The following DNM3 variants were observed in gnomAD, a reference collection of about 807,000 sequenced individuals.
DNM3 encodes dynamin-3.
Under a neutral mutation model 101.6 loss-of-function variants are expected in DNM3, and 47 were observed. That is an observed-to-expected ratio of 0.46 (90% CI 0.37 to 0.59). DNM3 has a LOEUF of 0.59. Among genes scored for constraint, DNM3 ranks in the 20% least tolerant of loss-of-function variants. The pLI is 0.00. For missense variants in DNM3, 849 were observed against 1,085.7 expected, an observed-to-expected ratio of 0.78 and a Z score of 3.06; for synonymous variants, 385 against 387.9, an observed-to-expected ratio of 0.99 and a Z score of 0.09.
At chr1:171,965,973 T>TA (rs1475129407) in intron 2 of DNM3, among the ~76,000 whole-genome samples, 15 of 152,188 alleles carry the variant, frequency 9.9e-5, no homozygotes, top group Non-Finnish European at 1.5e-4. Context: ...TAACAAACGA[T>TA]ACTTCTGTCA....
intron 2 of DNM3, among the ~76,000 whole-genome samples, chr1:171,927,357 C>T (rs921607471): frequency 1.3e-5 from 2 of 151,874 alleles, no homozygotes; most frequent in African/African-American, 4.9e-5. Flanking sequence ...GTCCAGTAAG[C>T]CCAGTGCTCA....
chr1:171,854,435 C>T (rs981361642), intron 1 of DNM3, among the ~76,000 whole-genome samples: 6 of 152,222 alleles, frequency 3.9e-5, no homozygotes, highest in Admixed American at 2.0e-4. Context: ...GAAGTTTAGA[C>T]AGAATTTGGG....
intron 4 of DNM3, among the ~76,000 whole-genome samples, chr1:172,024,720 G>A (rs2048078401): frequency 6.6e-6 from 1 of 152,238 alleles, no homozygotes; most frequent in Non-Finnish European, 1.5e-5. Context: ...CCCTGCCCTA[G>A]CAAAGAGAAG....
chr1:172,270,296 G>T (rs2148745386), intron 15 of DNM3, among the ~76,000 whole-genome samples: 1 of 148,680 alleles, frequency 6.7e-6, no homozygotes, highest in Non-Finnish European at 1.5e-5. Context: ...AACAGCACTT[G>T]TAACTATAAT....
chr1:171,939,055 A>G (rs1319150411), intron 2 of DNM3, among the ~76,000 whole-genome samples: 2 of 151,482 alleles, frequency 1.3e-5, no homozygotes, highest in Non-Finnish European at 2.9e-5. Context: ...ACTTATTTTT[A>G]ACCCACTTTC....
intron 14 of DNM3, chr1:172,144,478 C>G: frequency 2.6e-6 from 1 of 384,962 alleles, no homozygotes; most frequent in Non-Finnish European, 5.4e-6. Flanking sequence ...AAAAAAGGAG[C>G]AAACAAATGT....
chr1:172,223,902 T>C (rs953680717), intron 14 of DNM3, among the ~76,000 whole-genome samples: 16 of 152,190 alleles, frequency 1.1e-4, no homozygotes, highest in Non-Finnish European at 8.8e-5. Flanking sequence ...GTCTGGGCCA[T>C]TGGAGTAGCC....
chr1:171,905,397 C>G (rs116530750), intron 1 of DNM3, among the ~76,000 whole-genome samples: 1,634 of 152,202 alleles, frequency 0.011, 18 homozygotes, highest in Non-Finnish European at 0.017. Context: ...AGAGATATTG[C>G]CTGCCTTGCT....
chr1:171,964,341 A>T (rs868823296), intron 2 of DNM3, among the ~76,000 whole-genome samples: 1 of 152,168 alleles, frequency 6.6e-6, no homozygotes, highest in East Asian at 1.9e-4. Flanking sequence ...GGCCTCTACA[A>T]CCTCTTATCA....
chr1:172,339,820 C>A (rs1034060046), intron 17 of DNM3, among the ~76,000 whole-genome samples: 1 of 152,146 alleles, frequency 6.6e-6, no homozygotes, highest in Admixed American at 6.5e-5. Context: ...CTAAGTCAGT[C>A]ATGATTTCTG....
chr1:172,190,304 T>A (rs776113660), intron 14 of DNM3, among the ~76,000 whole-genome samples: 28 of 152,156 alleles, frequency 1.8e-4, no homozygotes, highest in Admixed American at 5.9e-4. Flanking sequence ...AGAATGATGG[T>A]ATCCAGCTCC....
At chr1:172,091,457 A>G (rs2053902390) in intron 12 of DNM3, among the ~76,000 whole-genome samples, 1 of 152,230 alleles carries the variant, frequency 6.6e-6, no homozygotes, top group Non-Finnish European at 1.5e-5. Context: ...AACTGAAAAG[A>G]AGGATTTGAA....
intron 1 of DNM3, among the ~76,000 whole-genome samples, chr1:171,854,666 T>C (rs2033387059): frequency 6.6e-6 from 1 of 151,982 alleles, no homozygotes; most frequent in African/African-American, 2.4e-5. Context: ...GACCTCTGCC[T>C]CCCAGATTCA....
At chr1:172,066,277 G>A (rs2051655711) in intron 10 of DNM3, among the ~76,000 whole-genome samples, 3 of 152,100 alleles carry the variant, frequency 2.0e-5, no homozygotes, top group Admixed American at 2.0e-4. Flanking sequence ...CTGAAACTGG[G>A]TATACAGAAA....
At chr1:172,242,588 G>A (rs947589393) in intron 14 of DNM3, among the ~76,000 whole-genome samples, 9 of 152,108 alleles carry the variant, frequency 5.9e-5, no homozygotes, top group Non-Finnish European at 1.3e-4. Context: ...AATCATAGGC[G>A]CCACCACATG....
At chr1:172,344,847 G>A (rs2066859464) in intron 17 of DNM3, among the ~76,000 whole-genome samples, 1 of 152,142 alleles carries the variant, frequency 6.6e-6, no homozygotes, top group Non-Finnish European at 1.5e-5. Context: ...ATAGCCATCA[G>A]AATTCTATAT....
chr1:172,086,594 T>G (rs576578443), intron 12 of DNM3, among the ~76,000 whole-genome samples: 1 of 152,160 alleles, frequency 6.6e-6, no homozygotes, highest in South Asian at 2.1e-4. Context: ...AATTAAAGTT[T>G]TAATCTGGCT....
At chr1:172,275,090 C>T (rs925524248) in intron 15 of DNM3, among the ~76,000 whole-genome samples, 1 of 152,056 alleles carries the variant, frequency 6.6e-6, no homozygotes, top group Admixed American at 6.6e-5. Flanking sequence ...ACAACTATGA[C>T]TTGCCATCTG....
chr1:172,305,586 A>G (rs1422117397), intron 15 of DNM3, among the ~76,000 whole-genome samples: 1 of 152,232 alleles, frequency 6.6e-6, no homozygotes, highest in African/African-American at 2.4e-5. Context: ...CAAAAAAAAG[A>G]GAATTTTAGA....
Sources: gnomAD v4.1 joint callset for allele counts (sites outside exome capture counted in the v4.1 genomes callset) on GRCh38, gnomAD v4.1.1 for gene constraint, MANE v1.5 for transcripts, NCBI Gene and HGNC (gene_info 2026-07-23, HGNC 2026-07-21) for gene names.